MYCBP2: variants seen among roughly 807,000 people sequenced by gnomAD.
MYCBP2 encodes the protein MYC binding protein 2.
MYCBP2 carries 120 observed loss-of-function variants against 525.3 expected under a neutral mutation model. That is an observed-to-expected ratio of 0.23 (90% CI 0.20 to 0.27). The LOEUF (loss-of-function observed/expected upper bound fraction) is 0.27. MYCBP2 is among the 10% of genes least tolerant of loss of function. The probability of loss-of-function intolerance (pLI) is 1.00; values close to 1 mark genes in which losing one functional copy is unlikely to be tolerated. For synonymous variants in MYCBP2, 1,894 were observed against 1,955.8 expected, an observed-to-expected ratio of 0.97 and a Z score of 0.83; for missense variants, 4,149 against 5,657.1, an observed-to-expected ratio of 0.73 and a Z score of 8.55.
At chr13:77,077,503 G>T in intron 66 of MYCBP2, 116 bp from the exon 67 acceptor site, 1 of 1,215,504 alleles carries the variant, frequency 8.2e-7, no homozygotes. Context: ...CAGAGTAAAG[G>T]TTATGAGGTT....
At chr13:77,076,501 A>C (rs1389943477) in intron 68 of MYCBP2, among the ~76,000 whole-genome samples, 1 of 152,212 alleles carries the variant, frequency 6.6e-6, no homozygotes, top group Non-Finnish European at 1.5e-5. Context: ...GGGGTATAGC[A>C]CAGAAATGAT....
intron 20 of MYCBP2, among the ~76,000 whole-genome samples, chr13:77,223,682 T>C (rs1264571249): frequency 1.3e-5 from 2 of 152,142 alleles, no homozygotes; most frequent in South Asian, 2.1e-4. Context: ...CAGTACACAG[T>C]CTCCAACTTA....
intron 17 of MYCBP2, among the ~76,000 whole-genome samples, chr13:77,238,785 A>G (rs998313419): frequency 3.9e-5 from 6 of 152,254 alleles, no homozygotes; most frequent in African/African-American, 1.2e-4. Context: ...TAAAACAGTA[A>G]CTAAATTACG....
At chr13:77,202,268 C>T (rs550806014) in intron 26 of MYCBP2, among the ~76,000 whole-genome samples, 95 of 152,290 alleles carry the variant, frequency 6.2e-4, no homozygotes, top group African/African-American at 1.6e-3. Flanking sequence ...AAATCCTCTA[C>T]GCAAATAAAC....
chr13:77,251,321 A>C lies in MYCBP2; in HGVS notation c.2211T>G (p.Asp737Glu). Residue 737 changes from aspartate (D) to glutamate (E), a missense_variant, in exon 15 of 83, where the codon GAT (aspartate) becomes GAG (glutamate). Asp to Glu is a conservative substitution (Grantham distance 45). This residue lies in a region of MYCBP2 where 620 missense variants were observed against 795.5 expected (regional missense o/e 0.78). Coordinates refer to ENST00000544440, the MANE Select transcript of MYCBP2 (RefSeq NM_015057.5). The part of the protein sequence containing the change: ...FGVENMATAM[D>E]EDLEEELDEK... ...CATCTAGTTCTTCTTCCAGGTCTTCATCCATTGCTGTTGCCATATTTTCAA... is the reference window on the plus strand; with the variant it reads ...CATCTAGTTCTTCTTCCAGGTCTTCCTCCATTGCTGTTGCCATATTTTCAA... 6.2e-7 allele frequency: 1 copy of C among 1,614,182 alleles called. No individual in the cohort carries two copies. The highest frequency in any genetic ancestry group is 8.5e-7 in the Non-Finnish European group (1 of 1,180,030).
intron 52 of MYCBP2, among the ~76,000 whole-genome samples, chr13:77,132,514 A>G (rs1365015777): frequency 6.6e-6 from 1 of 152,190 alleles, no homozygotes; most frequent in African/African-American, 2.4e-5. Context: ...TCAGCCTAAA[A>G]TAAGAAGTAA....
At chr13:77,215,339 G>C (rs1405525278) in intron 21 of MYCBP2, among the ~76,000 whole-genome samples, 1 of 152,094 alleles carries the variant, frequency 6.6e-6, no homozygotes, top group African/African-American at 2.4e-5. Flanking sequence ...TTCAGACTTG[G>C]GGTGGGGAGC....
chr13:77,180,263 A>T lies in MYCBP2; in HGVS notation c.4997T>A (p.Leu1666Gln). 6.2e-7 allele frequency: 1 copy of T among 1,614,218 alleles called. No individual in the cohort carries two copies. The highest frequency in any genetic ancestry group is 8.5e-7 in the Non-Finnish European group (1 of 1,180,028). The change falls in exon 34 of 83, where the codon CTG (leucine) becomes CAG (glutamine). Residue 1666 changes from leucine to glutamine, a missense_variant. Leu to Gln is a moderately radical substitution (Grantham distance 113, BLOSUM62 -2). Around this residue, in one of 21 missense-constraint regions of MYCBP2, gnomAD observed 292 missense variants for 330.5 expected, o/e 0.88. Transcript: ENST00000544440. ...TSFREVLEKMLVIVVLPVRNS... is the reference protein window; with the variant it reads ...TSFREVLEKMQVIVVLPVRNS... ...CCTGACTGGTAGCACAACAATGACC[A>T]GCATTTTCTCCAGAACTTCACGGAA...
At chr13:77,172,048 G>T (rs2059193820) in intron 37 of MYCBP2, among the ~76,000 whole-genome samples, 1 of 152,064 alleles carries the variant, frequency 6.6e-6, no homozygotes. Context: ...TTATAGGCAT[G>T]CACCACCACG....
intron 52 of MYCBP2, chr13:77,129,059 T>G (rs2052247857): frequency 2.5e-6 from 1 of 393,540 alleles, no homozygotes; most frequent in South Asian, 1.3e-4. Context: ...GGTTAAAAGG[T>G]TTTATTAATC....
chr13:77,061,857 T>C (rs1250923088), intron 74 of MYCBP2, 67 bp from the exon 75 acceptor site: 1 of 1,400,372 alleles, frequency 7.1e-7, no homozygotes, highest in African/African-American at 1.5e-5. Flanking sequence ...ACAAATTGAA[T>C]ATAATTTATT....
intron 79 of MYCBP2, among the ~76,000 whole-genome samples, chr13:77,055,984 A>G (rs1280511899): frequency 6.6e-6 from 1 of 152,224 alleles, no homozygotes; most frequent in African/African-American, 2.4e-5. Flanking sequence ...ACAGAGCATG[A>G]AAATTCCATT....
chr13:77,202,690 T>A (rs1276017309), intron 26 of MYCBP2, among the ~76,000 whole-genome samples: 1 of 151,934 alleles, frequency 6.6e-6, no homozygotes, highest in African/African-American at 2.4e-5. Flanking sequence ...AAAAAGCTTA[T>A]CCACCATGAT....
intron 55 of MYCBP2, chr13:77,109,879 C>T (rs2048494480): frequency 6.6e-6 from 1 of 152,198 alleles, no homozygotes; most frequent in Admixed American, 6.6e-5. Flanking sequence ...ATTTCATGGA[C>T]ATTTATCAGT....
intron 26 of MYCBP2, 68 bp from the exon 27 acceptor site, chr13:77,194,312 T>C (rs2061553815): frequency 1.7e-6 from 2 of 1,205,072 alleles, no homozygotes; most frequent in East Asian, 2.3e-5. Flanking sequence ...AATGTGTTCA[T>C]AATTTTGTGC....
At chr13:77,159,860 T>A (rs1036584824) in intron 44 of MYCBP2, among the ~76,000 whole-genome samples, 1 of 152,194 alleles carries the variant, frequency 6.6e-6, no homozygotes, top group Non-Finnish European at 1.5e-5. Flanking sequence ...ATAGTTCTCC[T>A]TCACCTAGAA....
intron 62 of MYCBP2, 110 bp downstream of exon 62, chr13:77,087,374 T>C: frequency 2.1e-6 from 2 of 960,136 alleles, no homozygotes; most frequent in Admixed American, 5.2e-5. Flanking sequence ...ATATTCTTTT[T>C]GCTTTCAAGT....
At chr13:77,063,182 C>T (rs1407830441) in intron 73 of MYCBP2, among the ~76,000 whole-genome samples, 2 of 152,108 alleles carry the variant, frequency 1.3e-5, no homozygotes, top group African/African-American at 2.4e-5. Context: ...TTTGTTGCCC[C>T]TTGTTGCCCC....
chr13:77,185,863 C>T lies in MYCBP2; in HGVS notation c.4444+8G>A, dbSNP rs754391998. The stretch of plus-strand genomic sequence containing the variant: ...TCCCTATAGTCATTTAAAAAAAATG[C>T]ATCATACCTGACACTGGGTAAATTT... On this transcript the variant is annotated splice_region_variant and intron_variant, in intron 31 of 82. Coordinates refer to ENST00000544440, the MANE Select transcript of MYCBP2 (RefSeq NM_015057.5). The T allele has an allele frequency of 6.5e-7, 1 of 1,547,850 alleles. No homozygotes were observed. The highest frequency in any genetic ancestry group is 2.1e-5 in the Admixed American group (1 of 46,902).
Sources: allele counts gnomAD v4.1 joint callset (sites outside exome capture counted in the v4.1 genomes callset), GRCh38; gene constraint gnomAD v4.1.1; regional missense constraint gnomAD v4.1.1; transcripts MANE v1.5; gene names NCBI Gene and HGNC (gene_info 2026-07-23, HGNC 2026-07-21).